The following MMP16 variants were observed in gnomAD, a reference collection of about 807,000 sequenced individuals.
MMP16 encodes matrix metalloproteinase-16.
MMP16 carries 12 observed loss-of-function variants against 67.8 expected under a neutral mutation model. The observed-to-expected ratio is 0.18, with a 90% CI of 0.11 to 0.29. MMP16 has a LOEUF of 0.29. Among genes scored for constraint, MMP16 ranks in the 10% least tolerant of loss-of-function variants. MMP16 has a pLI of 1.00. For synonymous variants in MMP16, 249 were observed against 255.9 expected, an observed-to-expected ratio of 0.97 and a Z score of 0.26; for missense variants, 475 against 765.7, an observed-to-expected ratio of 0.62 and a Z score of 4.48.
In MMP16 at chr8:88,035,636, A is replaced by G. The variant is rs1216219093; in HGVS notation, c.*5825T>C. Reference sequence around the variant, plus strand: ...CTGTGATCTTATATCCTTACTTAGTATAAATAAATAATATTGTTCTAATAA... The same window carrying G: ...CTGTGATCTTATATCCTTACTTAGTGTAAATAAATAATATTGTTCTAATAA... On this transcript the variant is annotated 3_prime_UTR_variant, in exon 10 of 10. Coordinates refer to ENST00000286614, the MANE Select transcript of MMP16 (RefSeq NM_005941.5). This position sits in a 1 kb window ranked among gnomAD's most constrained non-coding sequence, Gnocchi z 4.7. The G allele has an allele frequency of 6.6e-6, 1 of 152,044 alleles. No homozygotes were observed. Among genetic ancestry groups the G allele is most frequent in the Non-Finnish European group, 1.5e-5 (1 of 67,922 alleles). 9.4% of individuals were successfully genotyped at this position (152,044 alleles called of 1,614,324 possible).
At position 88,296,493 on chromosome 8, in the gene MMP16, C is replaced by T. The variant is rs935405840; in HGVS notation, c.132+30582G>A. Among the ~76,000 whole-genome samples the T allele has an allele frequency of 9.2e-5, 14 of 151,904 alleles. No homozygotes were observed. In the East Asian group the frequency reaches 2.1e-3, roughly 23 times the overall value. On this transcript the variant is annotated intron_variant, in intron 1 of 9. Coordinates refer to ENST00000286614, the MANE Select transcript of MMP16 (RefSeq NM_005941.5). ...ATACACTATTATTAACTATGGTCAC[C>T]AACATTTACTTCTAACAGTATAGGT...
chr8:88,049,348 ATTC>A (rs1205996421), intron 8 of MMP16, among the ~76,000 whole-genome samples: 1 of 152,226 alleles, frequency 6.6e-6, no homozygotes, highest in Non-Finnish European at 1.5e-5. Context: ...ATTTCTGAAT[ATTC>A]TTCTCCCACA....
intron 1 of MMP16, among the ~76,000 whole-genome samples, chr8:88,316,312 G>A (rs868127241): frequency 6.6e-6 from 1 of 152,140 alleles, no homozygotes; most frequent in African/African-American, 2.4e-5. Flanking sequence ...AGGCCATCTA[G>A]GACTTTCATA....
At chr8:88,130,671 G>A (rs1024619937) in intron 4 of MMP16, among the ~76,000 whole-genome samples, 2 of 151,476 alleles carry the variant, frequency 1.3e-5, no homozygotes, top group South Asian at 4.2e-4. Flanking sequence ...TGGCAACGTG[G>A]TTAAGAATTT....
intron 4 of MMP16, among the ~76,000 whole-genome samples, chr8:88,148,031 T>C (rs940806334): frequency 1.3e-5 from 2 of 152,184 alleles, no homozygotes; most frequent in South Asian, 4.1e-4. Flanking sequence ...ATACTGCAAA[T>C]TGCAGATTTA....
At chr8:88,270,752 G>A (rs1181208373) in intron 1 of MMP16, among the ~76,000 whole-genome samples, 1 of 152,146 alleles carries the variant, frequency 6.6e-6, no homozygotes. Context: ...TGAAACACTA[G>A]AATAGGCTAA....
intron 1 of MMP16, among the ~76,000 whole-genome samples, chr8:88,228,182 T>C (rs1809800530): frequency 6.6e-6 from 1 of 152,098 alleles, no homozygotes; most frequent in African/African-American, 2.4e-5. Flanking sequence ...ATGGTATAAA[T>C]TGGCAAACCA....
intron 1 of MMP16, among the ~76,000 whole-genome samples, chr8:88,246,047 A>G (rs913494508): frequency 6.6e-6 from 1 of 152,178 alleles, no homozygotes; most frequent in Admixed American, 6.6e-5. Context: ...GGCAAGGGCT[A>G]AAAAACAGCT....
chr8:88,098,902 T>G (rs1809081551), intron 6 of MMP16, among the ~76,000 whole-genome samples: 1 of 151,842 alleles, frequency 6.6e-6, no homozygotes, highest in African/African-American at 2.4e-5. Context: ...ACTATTTTGT[T>G]CCCATTCTAT....
intron 6 of MMP16, among the ~76,000 whole-genome samples, chr8:88,089,324 A>G (rs1408718832): frequency 1.3e-5 from 2 of 152,064 alleles, no homozygotes; most frequent in Admixed American, 6.6e-5. Context: ...AAAATAATCT[A>G]TGCTTCATAA....
chr8:88,287,443 T>C lies in MMP16; in HGVS notation c.132+39632A>G, dbSNP rs774867083. On this transcript the variant is annotated intron_variant, in intron 1 of 9. Coordinates refer to ENST00000286614, the MANE Select transcript of MMP16 (RefSeq NM_005941.5). ...TAGATCAAAGTTATGAGTTTTCATC[T>C]CATCAAGTGCATCTTCTTCATAGCA... 2.6e-5 allele frequency among the ~76,000 whole-genome samples: 4 copies of C among 152,356 alleles called. No individual in the cohort carries two copies. The South Asian group carries it at 8.3e-4, about 32-fold the overall frequency.
rs1454718938 is a variant in MMP16, at chr8:88,136,681, T to C, written c.710-17820A>G. ...TGAATTAAATTCATATTAAATACAT[T>C]AAATAAAATGAATTCATATTTAATA... On this transcript the variant is annotated intron_variant, in intron 4 of 9. Transcript: ENST00000286614. Among the ~76,000 whole-genome samples the C allele has an allele frequency of 6.6e-5, 10 of 151,690 alleles. No individual in the cohort carries two copies. The East Asian group carries it at 1.9e-3, about 29-fold the overall frequency.
In MMP16 at chr8:88,046,769, A is replaced by G. The variant is rs1293804823; in HGVS notation, c.1389T>C (p.Ser463=). The change falls in exon 9 of 10, where the codon AGT becomes AGC. Residue 463 remains serine (S), a synonymous_variant. Transcript: ENST00000286614. The stretch of plus-strand genomic sequence containing the variant: ...CAGGGTCCATTGTTTTCATTTCTTC[A>G]CTATATCTCCAATATCTACAAAGGA... ...FFKGDRYWRY[S]EEMKTMDPGY... is the part of the protein sequence containing the mutation. The G allele has an allele frequency of 6.2e-7, 1 of 1,603,938 alleles. No homozygotes were observed. Among genetic ancestry groups the G allele is most frequent in the Non-Finnish European group, 8.5e-7 (1 of 1,175,244 alleles).
chr8:88,044,544 T>C (rs1808175162), intron 9 of MMP16, among the ~76,000 whole-genome samples: 1 of 152,212 alleles, frequency 6.6e-6, no homozygotes, highest in Non-Finnish European at 1.5e-5. Flanking sequence ...TGTATTTTTG[T>C]ATACATGCTT....
intron 6 of MMP16, among the ~76,000 whole-genome samples, chr8:88,096,411 C>T (rs1809027338): frequency 6.6e-6 from 1 of 151,912 alleles, no homozygotes; most frequent in African/African-American, 2.4e-5. Context: ...ATCATAACTT[C>T]AGTGTCCCTA....
chr8:88,237,716 C>T (rs543165686), intron 1 of MMP16, among the ~76,000 whole-genome samples: 32 of 152,134 alleles, frequency 2.1e-4, no homozygotes, highest in Non-Finnish European at 1.5e-5. Context: ...GGCACGTACA[C>T]GAAGCAAAGT....
intron 1 of MMP16, among the ~76,000 whole-genome samples, chr8:88,311,730 C>T (rs1811297768): frequency 6.6e-6 from 1 of 151,854 alleles, no homozygotes; most frequent in Non-Finnish European, 1.5e-5. Flanking sequence ...GAGTGGACAG[C>T]CATCTTTAAT....
chr8:88,168,486 G>A (rs1263303954), intron 3 of MMP16, among the ~76,000 whole-genome samples: 1 of 152,090 alleles, frequency 6.6e-6, no homozygotes, highest in Admixed American at 6.6e-5. Context: ...AATTTCTGAT[G>A]TTCTATTGTT....
chr8:88,051,318 C>T lies in MMP16; in HGVS notation c.1374-4534G>A, dbSNP rs144543550. On this transcript the variant is annotated intron_variant, in intron 8 of 9. Transcript: ENST00000286614. ...GAGAAGTAAATTAGCATATTCAGAT[C>T]GGAACACTGTGTACATCAACCATTT... Among the ~76,000 whole-genome samples the T allele has an allele frequency of 2.5e-3, 376 of 152,144 alleles. 2 individuals carry two copies. The highest frequency in any genetic ancestry group is 0.01 in the Middle Eastern group (3 of 294).
Sources: allele counts gnomAD v4.1 joint callset (sites outside exome capture counted in the v4.1 genomes callset), GRCh38; gene constraint gnomAD v4.1.1; non-coding constraint Gnocchi (gnomAD v3.1); transcripts MANE v1.5; gene names NCBI Gene and HGNC (gene_info 2026-07-23, HGNC 2026-07-21).